Variants in DOCK10 observed in about 807,000 individuals in gnomAD.
The protein encoded by DOCK10 is dedicator of cytokinesis 10, also known as dedicator of cytokinesis protein 10.
DOCK10 carries 145 observed loss-of-function variants against 280.1 expected under a neutral mutation model. The observed-to-expected ratio is 0.52, with a 90% CI of 0.45 to 0.59. DOCK10 has a LOEUF of 0.59. Ranked by LOEUF, DOCK10 falls within the 20% of genes least tolerant of loss-of-function variation. The pLI is 0.00. For missense variants in DOCK10, 2,368 were observed against 2,651.7 expected, an observed-to-expected ratio of 0.89 and a Z score of 2.35; for synonymous variants, 915 against 942.2, an observed-to-expected ratio of 0.97 and a Z score of 0.53.
intron 53 of DOCK10, among the ~76,000 whole-genome samples, chr2:224,772,451 CA>C (rs1033552270): frequency 6.6e-6 from 1 of 152,174 alleles, no homozygotes; most frequent in Non-Finnish European, 1.5e-5. Flanking sequence ...TACTAAGCCC[CA>C]GGGCGTCCTC....
intron 50 of DOCK10, among the ~76,000 whole-genome samples, chr2:224,783,579 A>AT (rs911208395): frequency 2.0e-5 from 3 of 151,854 alleles, no homozygotes; most frequent in African/African-American, 4.8e-5. Flanking sequence ...CAGCCTTGGA[A>AT]TTTTTTTATA....
intron 1 of DOCK10, among the ~76,000 whole-genome samples, chr2:224,992,049 T>C (rs1229004447): frequency 1.3e-5 from 2 of 152,186 alleles, no homozygotes; most frequent in Non-Finnish European, 2.9e-5. Context: ...GAGAAATCTG[T>C]GACACATTCT....
At chr2:224,851,460 A>T (rs35897501) in intron 18 of DOCK10, among the ~76,000 whole-genome samples, 1,397 of 138,488 alleles carry the variant, frequency 0.01, 19 homozygotes, top group African/African-American at 0.022. Flanking sequence ...TTTTTTTTTA[A>T]AAAAAAAAAA....
At chr2:224,911,627 G>C (rs2125915074) in intron 3 of DOCK10, among the ~76,000 whole-genome samples, 1 of 152,256 alleles carries the variant, frequency 6.6e-6, no homozygotes, top group African/African-American at 2.4e-5. Flanking sequence ...AGTGTTAATA[G>C]GCAGGAGCTG....
chr2:224,909,204 A>T (rs571543210), intron 3 of DOCK10, among the ~76,000 whole-genome samples: 1 of 152,234 alleles, frequency 6.6e-6, no homozygotes, highest in East Asian at 1.9e-4. Context: ...GGAAGTTTGC[A>T]TCCTATTTCT....
rs1696219593 is a variant in DOCK10, at chr2:224,844,775, A to G, written c.2546T>C (p.Val849Ala). The change falls in exon 22 of 56, where the codon GTT becomes GCT. Residue 849 changes from valine (V) to alanine (A), a missense_variant. Val to Ala is a moderately conservative substitution (Grantham distance 64, BLOSUM62 0). This residue lies in a region of DOCK10 where 1,209 missense variants were observed against 1,250.9 expected (regional missense o/e 0.97). Coordinates refer to ENST00000258390, the MANE Select transcript of DOCK10 (RefSeq NM_014689.3). ...CACCTGAGTATTTACTGTTGATACA[A>G]CAAATGTCGACACTTTGAAAAGTGG... ...GKPLFKVSTF[V>A]VSTVNTQDPH... 1 of 1,600,418 alleles carries G rather than the reference A, an allele frequency of 6.2e-7. No homozygotes were observed. Among genetic ancestry groups the G allele is most frequent in the Admixed American group, 1.7e-5 (1 of 58,380 alleles).
chr2:224,855,515 A>T (rs1046616145), intron 15 of DOCK10, among the ~76,000 whole-genome samples: 2 of 152,134 alleles, frequency 1.3e-5, no homozygotes, highest in Non-Finnish European at 2.9e-5. Flanking sequence ...AACAAGGAGG[A>T]CAGGGACCCT....
At chr2:224,956,663 G>T (rs1704062041) in intron 1 of DOCK10, among the ~76,000 whole-genome samples, 1 of 146,932 alleles carries the variant, frequency 6.8e-6, no homozygotes, top group Non-Finnish European at 1.5e-5. Context: ...GCATCGAAGT[G>T]ATGCCTGTTA....
intron 3 of DOCK10, among the ~76,000 whole-genome samples, chr2:224,900,259 ATATTAG>A (rs1449095331): frequency 2.0e-5 from 3 of 152,052 alleles, no homozygotes; most frequent in Non-Finnish European, 2.9e-5. Flanking sequence ...GCACTTTCTT[ATATTAG>A]TATGATACTA....
chr2:224,783,235 ATTTAACAAAACAC>A (rs1475091522), intron 50 of DOCK10, among the ~76,000 whole-genome samples: 6 of 151,626 alleles, frequency 4.0e-5, no homozygotes, highest in African/African-American at 1.5e-4. Flanking sequence ...CAGTCAGAGA[ATTTAACAAAACAC>A]TTTGCCTTTT....
rs1265431421 is a variant in DOCK10, at chr2:225,042,421, C to T, written c.-47G>A. On this transcript the variant is annotated 5_prime_UTR_variant, in exon 1 of 56. Coordinates refer to ENST00000258390, the MANE Select transcript of DOCK10 (RefSeq NM_014689.3). The surrounding 1 kb of genome is among the most constrained non-coding windows in gnomAD (Gnocchi z 5.1). ...CGCGGGCCCGGGGCGCGCCTCCCGC[C>T]GGTCTTCCCCGCGCCAACCTTCTCT... The T allele has an allele frequency of 4.1e-6, 5 of 1,228,708 alleles. No individual in the cohort carries two copies. Among genetic ancestry groups the T allele is most frequent in the East Asian group, 3.3e-5 (1 of 30,768 alleles). 76.1% of individuals were successfully genotyped at this position (1,228,708 alleles called of 1,614,324 possible). A position where few individuals can be genotyped will look rare whatever the true frequency, so the allele number is the denominator to read the frequency against.
At chr2:224,913,118 A>G (rs1455799038) in intron 3 of DOCK10, among the ~76,000 whole-genome samples, 7 of 152,196 alleles carry the variant, frequency 4.6e-5, no homozygotes. Context: ...TACAAAATAT[A>G]AATGTGAAAA....
rs765959011 is a variant in DOCK10, at chr2:224,800,275, A to C, written c.4394-12T>G. The C allele has an allele frequency of 2.0e-6, 3 of 1,536,676 alleles. No individual in the cohort carries two copies. The African/African-American group carries it at 4.1e-5, about 21-fold the overall frequency. Reference sequence around the variant, plus strand: ...TTCATTGGAGTTGCCTATAAAATACAAAATAAAACATGCGTAAAAGTCTAA... The same window carrying C: ...TTCATTGGAGTTGCCTATAAAATACCAAATAAAACATGCGTAAAAGTCTAA... On this transcript the variant is annotated splice_polypyrimidine_tract_variant and intron_variant, in intron 40 of 55. Coordinates refer to ENST00000258390, the MANE Select transcript of DOCK10 (RefSeq NM_014689.3).
At chr2:224,963,471 A>T (rs1399645568) in intron 1 of DOCK10, among the ~76,000 whole-genome samples, 1 of 152,232 alleles carries the variant, frequency 6.6e-6, no homozygotes, top group Non-Finnish European at 1.5e-5. Context: ...CCCTCTCCTT[A>T]AATGTACAGG....
At chr2:225,016,477 G>T (rs1254638657) in intron 1 of DOCK10, among the ~76,000 whole-genome samples, 1 of 149,320 alleles carries the variant, frequency 6.7e-6, no homozygotes, top group Non-Finnish European at 1.5e-5. Flanking sequence ...TTCTCAAATA[G>T]CAATTCCTCT....
Position 224,807,664 on chromosome 2 carries a change from G to T in DOCK10, c.3702+4C>A. On this transcript the variant is annotated splice_donor_region_variant and intron_variant, in intron 33 of 55. Coordinates refer to ENST00000258390, the MANE Select transcript of DOCK10 (RefSeq NM_014689.3). ...TAGAAATGTGACATATTGTGCAAAC[G>T]TACCTGATTAGATGTATTGACAGTA... The T allele has an allele frequency of 6.6e-7, 1 of 1,510,780 alleles. No homozygotes were observed. The highest frequency in any genetic ancestry group is 9.0e-7 in the Non-Finnish European group (1 of 1,111,254). 93.6% of individuals were successfully genotyped at this position (1,510,780 alleles called of 1,614,324 possible).
chr2:225,003,270 C>T (rs10199028), intron 1 of DOCK10, among the ~76,000 whole-genome samples: 5,364 of 152,236 alleles, frequency 0.035, 246 homozygotes, highest in African/African-American at 0.097. Flanking sequence ...GTCTTGAACT[C>T]CTGGACTCAA....
At chr2:225,027,161 A>C (rs1000997046) in intron 1 of DOCK10, among the ~76,000 whole-genome samples, 1 of 152,266 alleles carries the variant, frequency 6.6e-6, no homozygotes, top group Middle Eastern at 3.4e-3. Flanking sequence ...ATTCTCACCT[A>C]AACAAAATGA....
At chr2:225,041,716 G>A (rs370590457) in intron 1 of DOCK10, among the ~76,000 whole-genome samples, 2 of 152,142 alleles carry the variant, frequency 1.3e-5, no homozygotes, top group Non-Finnish European at 2.9e-5. Context: ...TGGGAGGGCT[G>A]TTCCAAGTAC....
Sources: gnomAD v4.1 joint callset for allele counts (sites outside exome capture counted in the v4.1 genomes callset) on GRCh38, gnomAD v4.1.1 for gene constraint, gnomAD v4.1.1 regional missense constraint, Gnocchi (gnomAD v3.1) non-coding constraint, MANE v1.5 for transcripts, NCBI Gene and HGNC (gene_info 2026-07-23, HGNC 2026-07-21) for gene names.